Variants in MAPKAP1 observed in about 807,000 individuals in gnomAD.
The protein encoded by MAPKAP1 is MAPK associated protein 1.
In MAPKAP1, 20 loss-of-function variants were observed where a neutral mutation model predicts 65.7. That is an observed-to-expected ratio of 0.30 (90% confidence interval 0.21 to 0.44). MAPKAP1 has a LOEUF of 0.44. Ranked by LOEUF, MAPKAP1 falls within the 20% of genes least tolerant of loss-of-function variation. MAPKAP1 has a pLI of 1.00. For synonymous variants in MAPKAP1, 222 were observed against 244.3 expected, an observed-to-expected ratio of 0.91 and a Z score of 0.85; for missense variants, 423 against 648.0, an observed-to-expected ratio of 0.65 and a Z score of 3.77.
intron 8 of MAPKAP1, among the ~76,000 whole-genome samples, chr9:125,500,965 A>C (rs1828960446): frequency 6.6e-6 from 1 of 152,166 alleles, no homozygotes; most frequent in Non-Finnish European, 1.5e-5. Flanking sequence ...TCCGATAAGC[A>C]AGTCACATAG....
chr9:125,650,128 C>T (rs1003651650), intron 4 of MAPKAP1, among the ~76,000 whole-genome samples: 8 of 152,166 alleles, frequency 5.3e-5, no homozygotes, highest in Non-Finnish European at 1.5e-5. Flanking sequence ...CGAATTCATT[C>T]ACTCCATCTT....
intron 8 of MAPKAP1, among the ~76,000 whole-genome samples, chr9:125,490,663 TTC>T (rs1229282594): frequency 6.6e-6 from 1 of 152,238 alleles, no homozygotes; most frequent in Admixed American, 6.5e-5. Flanking sequence ...TATTGAAATA[TTC>T]TTCCCTTTTT....
intron 3 of MAPKAP1, among the ~76,000 whole-genome samples, chr9:125,659,797 C>G (rs767059542): frequency 6.6e-6 from 1 of 151,822 alleles, no homozygotes; most frequent in Non-Finnish European, 1.5e-5. Flanking sequence ...CTTAAAATGT[C>G]TGTCTATATT....
intron 7 of MAPKAP1, among the ~76,000 whole-genome samples, chr9:125,528,847 C>CA (rs61378848): frequency 0.014 from 606 of 44,106 alleles, 25 homozygotes; most frequent in South Asian, 0.017. Flanking sequence ...GACTCCGTCT[C>CA]AAAAAAAAAA....
intron 7 of MAPKAP1, among the ~76,000 whole-genome samples, chr9:125,516,229 G>A (rs897413872): frequency 2.0e-5 from 3 of 152,198 alleles, no homozygotes; most frequent in African/African-American, 4.8e-5. Flanking sequence ...GCTGATGAGA[G>A]TATTGGGGAA....
chr9:125,681,688 A>C (rs1834826347), intron 1 of MAPKAP1, among the ~76,000 whole-genome samples: 1 of 152,238 alleles, frequency 6.6e-6, no homozygotes, highest in Non-Finnish European at 1.5e-5. Flanking sequence ...AACCTAGGGG[A>C]GCCACCTACA....
intron 7 of MAPKAP1, among the ~76,000 whole-genome samples, chr9:125,510,990 T>C (rs927484678): frequency 2.7e-4 from 41 of 152,178 alleles, no homozygotes; most frequent in African/African-American, 9.4e-4. Flanking sequence ...GCAATTTTGC[T>C]GTATGACTTT....
intron 4 of MAPKAP1, among the ~76,000 whole-genome samples, chr9:125,615,915 G>GAA (rs763540546): frequency 3.8e-5 from 4 of 105,198 alleles, no homozygotes; most frequent in South Asian, 2.8e-4. Flanking sequence ...CTCCGTCTCA[G>GAA]AAAAAAAAAA....
At chr9:125,544,136 C>T (rs1307322779) in intron 6 of MAPKAP1, among the ~76,000 whole-genome samples, 1 of 151,994 alleles carries the variant, frequency 6.6e-6, no homozygotes, top group Non-Finnish European at 1.5e-5. Context: ...TCAGCCTCTC[C>T]AGGAGCTGAG....
intron 10 of MAPKAP1, among the ~76,000 whole-genome samples, chr9:125,446,060 T>C (rs936643791): frequency 6.6e-6 from 1 of 152,212 alleles, no homozygotes; most frequent in African/African-American, 2.4e-5. Context: ...GTCCTTTTAA[T>C]TGAAGCAGCG....
chr9:125,639,111 C>A lies in MAPKAP1; in HGVS notation c.498+18540G>T, dbSNP rs187670262. ...AAAAAATTCACAGGGTGTGGTGGTG[C>A]ATGCCTGTAGTCCCAGCTACTGGGG... On this transcript the variant is annotated intron_variant, in intron 4 of 11. Transcript: ENST00000265960. 1.1e-3 allele frequency among the ~76,000 whole-genome samples: 164 copies of A among 152,304 alleles called. 1 individual carries two copies. The highest frequency in any genetic ancestry group is 3.8e-3 in the African/African-American group (160 of 41,578).
intron 8 of MAPKAP1, among the ~76,000 whole-genome samples, chr9:125,505,647 C>A (rs1829118258): frequency 6.6e-6 from 1 of 152,128 alleles, no homozygotes; most frequent in African/African-American, 2.4e-5. Context: ...TAAACTGAGA[C>A]AAAGAATGAG....
At chr9:125,516,227 G>C (rs1170465701) in intron 7 of MAPKAP1, among the ~76,000 whole-genome samples, 1 of 152,188 alleles carries the variant, frequency 6.6e-6, no homozygotes, top group Non-Finnish European at 1.5e-5. Context: ...CTGCTGATGA[G>C]AGTATTGGGG....
rs149977526 is a variant in MAPKAP1 at position 125,695,821 on chromosome 9, C to T, written c.-70+11150G>A. ...TTGGCTCACTGCAACCTCCACCTCCCGGGTTCAATTGCTTCTCCTGCCTCA... is the reference window on the plus strand; with the variant it reads ...TTGGCTCACTGCAACCTCCACCTCCTGGGTTCAATTGCTTCTCCTGCCTCA... On this transcript the variant is annotated intron_variant, in intron 1 of 11. Transcript: ENST00000265960. Among the ~76,000 whole-genome samples, 356 of 152,066 alleles carry T rather than the reference C, an allele frequency of 2.3e-3. 1 individual carries two copies. The highest frequency in any genetic ancestry group is 5.0e-3 in the Admixed American group (77 of 15,268).
chr9:125,519,532 G>A (rs1829559774), intron 7 of MAPKAP1, among the ~76,000 whole-genome samples: 1 of 151,692 alleles, frequency 6.6e-6, no homozygotes, highest in South Asian at 2.1e-4. Flanking sequence ...GGAAGGCTGA[G>A]GTGGGAGGAT....
At position 125,559,746 on chromosome 9, in the gene MAPKAP1, G is replaced by A. The variant is rs1382190273; in HGVS notation, c.735C>T (p.Phe245=). 11 of 1,613,766 alleles carry A rather than the reference G, an allele frequency of 6.8e-6. No homozygotes were observed. The highest frequency in any genetic ancestry group is 2.2e-5 in the South Asian group (2 of 91,072). The change falls in exon 6 of 12, where the codon TTC becomes TTT. Residue 245 remains phenylalanine (F), a synonymous_variant. Transcript: ENST00000265960. The part of the protein sequence containing the change: ...AEDDGEVDTD[F]PPLDSNEPIH... ...TGGGCTCATTGGAATCCAGCGGGGGGAAATCGGTGTCCACCTCCCCATCAT... is the reference window on the plus strand; with the variant it reads ...TGGGCTCATTGGAATCCAGCGGGGGAAAATCGGTGTCCACCTCCCCATCAT...
chr9:125,578,196 G>A (rs1225664663), intron 5 of MAPKAP1, among the ~76,000 whole-genome samples: 1 of 152,200 alleles, frequency 6.6e-6, no homozygotes, highest in Non-Finnish European at 1.5e-5. Flanking sequence ...TTAAGGGCGT[G>A]CAAGATGTGC....
chr9:125,521,961 C>T lies in MAPKAP1; in HGVS notation c.959-15544G>A, dbSNP rs537618222. ...TCAAATCTGCTTATGTCAGAGGCTT[C>T]GGTAAACCACTTCCTCTCTGAACTT... is the stretch of plus-strand genomic sequence containing the variant. On this transcript the variant is annotated intron_variant, in intron 7 of 11. Coordinates refer to ENST00000265960, the MANE Select transcript of MAPKAP1 (RefSeq NM_001006617.3). 6.6e-5 allele frequency among the ~76,000 whole-genome samples: 10 copies of T among 152,326 alleles called. No homozygotes were observed. In the East Asian group the frequency reaches 9.6e-4, roughly 15 times the overall value.
chr9:125,459,850 C>A, intron 10 of MAPKAP1, among the ~76,000 whole-genome samples: 1 of 18,394 alleles, frequency 5.4e-5, no homozygotes, highest in African/African-American at 4.2e-4. Context: ...GAGAGGGAGA[C>A]CGTGGGGAGA....
Sources: gnomAD v4.1 joint callset for allele counts (sites outside exome capture counted in the v4.1 genomes callset) on GRCh38, gnomAD v4.1.1 for gene constraint, MANE v1.5 for transcripts, NCBI Gene and HGNC (gene_info 2026-07-23, HGNC 2026-07-21) for gene names.